Variants in SH3PXD2B observed in about 807,000 individuals in gnomAD.
The protein encoded by SH3PXD2B is SH3 and PX domain-containing protein 2B.
Under a neutral mutation model 73.1 loss-of-function variants are expected in SH3PXD2B, and 37 were observed. The observed-to-expected ratio is 0.51, with a 90% confidence interval of 0.39 to 0.67. The LOEUF (loss-of-function observed/expected upper bound fraction) is 0.67, where lower values mean the gene tolerates loss of function less well. Ranked by LOEUF, SH3PXD2B falls within the 30% of genes least tolerant of loss-of-function variation. The pLI is 0.00. For missense variants in SH3PXD2B, 1,053 were observed against 1,197.8 expected (o/e 0.88, Z 1.78); for synonymous variants, 457 against 480.5 (o/e 0.95, Z 0.64).
downstream of SH3PXD2B, among the ~76,000 whole-genome samples, chr5:172,330,151 G>A (rs2113220454): frequency 6.6e-6 from 1 of 152,230 alleles, no homozygotes; most frequent in East Asian, 1.9e-4. Flanking sequence ...GCTTCATTGA[G>A]GATTTCCTTT....
intron 4 of SH3PXD2B, among the ~76,000 whole-genome samples, chr5:172,392,603 G>C (rs11134745): frequency 2.7e-5 from 4 of 148,554 alleles, no homozygotes; most frequent in African/African-American, 1.0e-4. Flanking sequence ...GTGTAACCCC[G>C]TCTCTACTAA....
intron 1 of SH3PXD2B, among the ~76,000 whole-genome samples, chr5:172,432,644 G>A (rs1759275165): frequency 6.6e-6 from 1 of 152,162 alleles, no homozygotes; most frequent in African/African-American, 2.4e-5. Context: ...TTGACTGGCT[G>A]GGTGCGGTCC....
In SH3PXD2B at chr5:172,338,567, A is replaced by T; in HGVS notation, c.2538T>A (p.Asn846Lys). The T allele has an allele frequency of 6.2e-7, 1 of 1,614,112 alleles. No individual in the cohort carries two copies. Among genetic ancestry groups the T allele is most frequent in the Non-Finnish European group, 8.5e-7 (1 of 1,179,994 alleles). Reference protein sequence around the residue: ...REKAAAASVPNADGLKDSLYV... With the variant: ...REKAAAASVPKADGLKDSLYV... ...ACAAAGAGTCCTTCAGGCCGTCGGC[A>T]TTGGGGACAGAGGCTGCAGCTGCTT... The change falls in exon 13 of 13, where the codon AAT becomes AAA. Residue 846 changes from asparagine to lysine, a missense_variant. Around this residue, in one of 2 missense-constraint regions of SH3PXD2B, gnomAD observed 587 missense variants for 590.7 expected, o/e 0.99. Transcript: ENST00000311601. The surrounding 1 kb of genome is among the most constrained non-coding windows in gnomAD (Gnocchi z 5.1).
chr5:172,444,243 C>T (rs1034552000), intron 1 of SH3PXD2B, among the ~76,000 whole-genome samples: 6 of 152,176 alleles, frequency 3.9e-5, no homozygotes, highest in Admixed American at 2.6e-4. Flanking sequence ...ATGGATGGAT[C>T]AGCTGCCTGC....
chr5:172,387,514 G>A (rs1490020836), intron 4 of SH3PXD2B, among the ~76,000 whole-genome samples: 2 of 152,160 alleles, frequency 1.3e-5, no homozygotes, highest in African/African-American at 4.8e-5. Flanking sequence ...TTCAGAACGG[G>A]GCCCTGGGTC....
At chr5:172,357,522 C>A (rs564232948) in intron 8 of SH3PXD2B, among the ~76,000 whole-genome samples, 10 of 152,202 alleles carry the variant, frequency 6.6e-5, no homozygotes, top group African/African-American at 2.2e-4. Flanking sequence ...GCTGTGTGAC[C>A]CTGGGCAAGT....
chr5:172,385,228 T>G (rs1041906928), intron 4 of SH3PXD2B, among the ~76,000 whole-genome samples: 3 of 152,228 alleles, frequency 2.0e-5, no homozygotes, highest in Non-Finnish European at 4.4e-5. Flanking sequence ...GATTATATGC[T>G]GGACTGTGGT....
At chr5:172,397,847 C>A (rs963014237) in intron 3 of SH3PXD2B, among the ~76,000 whole-genome samples, 1 of 152,188 alleles carries the variant, frequency 6.6e-6, no homozygotes, top group Non-Finnish European at 1.5e-5. Flanking sequence ...TGTTCCTGGG[C>A]TCGGTCTCGG....
At chr5:172,405,280 G>A (rs577699067) in intron 3 of SH3PXD2B, among the ~76,000 whole-genome samples, 2 of 152,362 alleles carry the variant, frequency 1.3e-5, no homozygotes, top group South Asian at 2.1e-4. Flanking sequence ...AGGATGTGCC[G>A]CCCTAATCCC....
Position 172,394,782 on chromosome 5 carries a change from G to C in SH3PXD2B, c.233-143C>G, listed in dbSNP as rs749350747. Reference sequence around the variant, plus strand: ...GGCTGCGATCAAGGTACCCCCACTGGACTTCCGTGAGGCTTGGATAAGCCC... The same window carrying C: ...GGCTGCGATCAAGGTACCCCCACTGCACTTCCGTGAGGCTTGGATAAGCCC... On this transcript the variant is annotated intron_variant, in intron 3 of 12. Coordinates refer to ENST00000311601, the MANE Select transcript of SH3PXD2B (RefSeq NM_001017995.3). The C allele has an allele frequency of 1.0e-4, 82 of 782,894 alleles. 1 individual carries two copies. Among genetic ancestry groups the C allele is most frequent in the Non-Finnish European group, 1.7e-4 (77 of 464,014 alleles). 48.5% of individuals were successfully genotyped at this position (782,894 alleles called of 1,614,324 possible). A position where few individuals can be genotyped will look rare whatever the true frequency, so the allele number is the denominator to read the frequency against.
chr5:172,342,518 T>C (rs1006209957), intron 12 of SH3PXD2B, among the ~76,000 whole-genome samples: 1 of 152,088 alleles, frequency 6.6e-6, no homozygotes, highest in East Asian at 1.9e-4. Flanking sequence ...CCCAGCACTT[T>C]GGGAGGCCAA....
At chr5:172,433,815 C>T (rs1045690337) in intron 1 of SH3PXD2B, among the ~76,000 whole-genome samples, 1 of 152,196 alleles carries the variant, frequency 6.6e-6, no homozygotes, top group Non-Finnish European at 1.5e-5. Flanking sequence ...GGAGAGATCT[C>T]TAGAAAGGAA....
chr5:172,361,671 C>T (rs1014039658), intron 7 of SH3PXD2B, among the ~76,000 whole-genome samples: 53 of 152,272 alleles, frequency 3.5e-4, no homozygotes, highest in African/African-American at 1.2e-3. Flanking sequence ...GAGTTGGTTT[C>T]GAATTCTGGC....
chr5:172,388,002 T>G (rs931284412), intron 4 of SH3PXD2B, among the ~76,000 whole-genome samples: 4 of 152,256 alleles, frequency 2.6e-5, no homozygotes, highest in Non-Finnish European at 5.9e-5. Context: ...TTTTTGTTTT[T>G]TTCCCATGTG....
At chr5:172,366,932 A>ATTTTTTTTTT (rs1262636786) in intron 6 of SH3PXD2B, among the ~76,000 whole-genome samples, 11,245 of 73,750 alleles carry the variant, frequency 0.15, 1,700 homozygotes, top group East Asian at 0.34. Flanking sequence ...GTGCCCGGCC[A>ATTTTTTTTTT]TTTTTTTTTT....
intron 5 of SH3PXD2B, 93 bp from the exon 6 acceptor site, chr5:172,373,908 AC>A (rs1217259183): frequency 3.0e-6 from 4 of 1,340,632 alleles, no homozygotes; most frequent in Non-Finnish European, 4.3e-6. Context: ...GAGATTCTCC[AC>A]CCCCCACAAC....
At chr5:172,454,250 G>T in intron 1 of SH3PXD2B, 28 bp downstream of exon 1, 1 of 1,585,770 alleles carries the variant, frequency 6.3e-7, no homozygotes, top group Non-Finnish European at 8.6e-7. Flanking sequence ...GCGGGCTCAA[G>T]GGGGCGTGGG....
intron 4 of SH3PXD2B, among the ~76,000 whole-genome samples, chr5:172,387,730 T>G (rs1240054534): frequency 1.3e-5 from 2 of 152,204 alleles, no homozygotes; most frequent in Non-Finnish European, 2.9e-5. Flanking sequence ...AATACTTGTA[T>G]GTGTGACAGG....
At chr5:172,332,365 C>T (rs1206447998), downstream of SH3PXD2B, among the ~76,000 whole-genome samples, 9 of 151,632 alleles carry the variant, frequency 5.9e-5, no homozygotes, top group East Asian at 1.7e-3. Flanking sequence ...GCAATCCTCC[C>T]ACTTCAGCCT....
Sources: allele counts gnomAD v4.1 joint callset (sites outside exome capture counted in the v4.1 genomes callset), GRCh38; gene constraint gnomAD v4.1.1; regional missense constraint gnomAD v4.1.1; non-coding constraint Gnocchi (gnomAD v3.1); transcripts MANE v1.5; gene names NCBI Gene and HGNC (gene_info 2026-07-23, HGNC 2026-07-21).